THOC3: variants seen among roughly 807,000 people sequenced by gnomAD.
THOC3 encodes the protein TEX1 homolog.
A neutral mutation model predicts 23.3 loss-of-function variants in THOC3; 4 were observed. That is an observed-to-expected ratio of 0.17 (90% CI 0.08 to 0.39). The LOEUF (loss-of-function observed/expected upper bound fraction) is 0.39, where lower values mean the gene tolerates loss of function less well. Among genes scored for constraint, THOC3 ranks in the 10% least tolerant of loss-of-function variants. The pLI is 1.00. For synonymous variants in THOC3, 27 were observed against 141.5 expected (o/e 0.19, Z 5.74); for missense variants, 64 against 359.4 (o/e 0.18, Z 6.65).
rs1204952522 is a variant in THOC3, at chr5:175,966,741, G to A, written c.424+370C>T. ...AATTCTCCATGCCTTTGCACATGCC[G>A]TTCCCTCCTGGAAATGTCCCATTCC... On this transcript the variant is annotated intron_variant, in intron 2 of 5. Coordinates refer to ENST00000265097, the MANE Select transcript of THOC3 (RefSeq NM_032361.4). Among the ~76,000 whole-genome samples the A allele has an allele frequency of 2.4e-4, 37 of 151,524 alleles. 1 individual carries two copies. The highest frequency in any genetic ancestry group is 7.8e-4 in the African/African-American group (32 of 41,128).
At chr5:175,966,330 G>C (rs1581130831) in intron 2 of THOC3, among the ~76,000 whole-genome samples, 1 of 149,632 alleles carries the variant, frequency 6.7e-6, no homozygotes, top group East Asian at 1.9e-4. Context: ...AATCACTCAT[G>C]GATCAGCAGC....
intron 3 of THOC3, 73 bp downstream of exon 3, chr5:175,964,878 T>A: frequency 3.2e-6 from 2 of 616,046 alleles, no homozygotes; most frequent in East Asian, 2.8e-5. Flanking sequence ...TAGGCTCACA[T>A]CTAATTCATC....
intron 3 of THOC3, among the ~76,000 whole-genome samples, chr5:175,964,531 C>T (rs1235064543): frequency 5.9e-5 from 9 of 151,852 alleles, no homozygotes; most frequent in Non-Finnish European, 1.0e-4. Context: ...GCAGGAGAAT[C>T]GCTTAACCTC....
At chr5:175,963,200 G>A (rs1372992881) in intron 3 of THOC3, among the ~76,000 whole-genome samples, 5 of 152,142 alleles carry the variant, frequency 3.3e-5, no homozygotes, top group Admixed American at 6.5e-5. Flanking sequence ...TAACCAAATC[G>A]CAGATGAGAA....
chr5:175,962,561 G>A (rs1248475401), intron 3 of THOC3, among the ~76,000 whole-genome samples: 3 of 146,144 alleles, frequency 2.1e-5, no homozygotes, highest in South Asian at 2.2e-4. Context: ...TCACTCAGTC[G>A]TCCAGAATGC....
At chr5:175,966,033 A>G (rs1465948727) in intron 2 of THOC3, among the ~76,000 whole-genome samples, 3 of 150,894 alleles carry the variant, frequency 2.0e-5, no homozygotes, top group Non-Finnish European at 4.5e-5. Context: ...TCTACAAAAA[A>G]TTAGCCAGGC....
intron 2 of THOC3, 117 bp from the exon 3 acceptor site, chr5:175,965,272 C>T: frequency 7.1e-7 from 1 of 1,414,182 alleles, no homozygotes; most frequent in South Asian, 1.4e-5. Context: ...CATTAAAGTC[C>T]TAGACAATGG....
chr5:175,962,185 T>C lies in THOC3; in HGVS notation c.630-751A>G, dbSNP rs530763953. 1.1e-4 allele frequency among the ~76,000 whole-genome samples: 17 copies of C among 150,694 alleles called. No homozygotes were observed. The South Asian group carries it at 3.1e-3, about 28-fold the overall frequency. ...ATCACATTGGTGGTAGCAGCAGTAA[T>C]ATTGTTGTTCTGAGACATCTATATG... On this transcript the variant is annotated intron_variant, in intron 3 of 5. Transcript: ENST00000265097.
rs575349260 is a variant in THOC3, at chr5:175,966,042, G to T, written c.425-887C>A. ...CCCGTCTCTACAAAAAATTAGCCAGGCATGGTGGCATGTGCCTGTAGTCCC... is the reference window on the plus strand; with the variant it reads ...CCCGTCTCTACAAAAAATTAGCCAGTCATGGTGGCATGTGCCTGTAGTCCC... On this transcript the variant is annotated intron_variant, in intron 2 of 5. Transcript: ENST00000265097. Among the ~76,000 whole-genome samples the T allele has an allele frequency of 6.1e-4, 91 of 150,160 alleles. No individual in the cohort carries two copies. In the South Asian group the frequency reaches 0.011, roughly 17 times the overall value.
In THOC3 at chr5:175,968,082, G is replaced by A. The variant is rs1359428217; in HGVS notation, c.127C>T (p.Arg43Trp). 2 of 1,611,268 alleles carry A rather than the reference G, an allele frequency of 1.2e-6. No individual in the cohort carries two copies. The highest frequency in any genetic ancestry group is 2.2e-5 in the East Asian group (1 of 44,884). ...RYVLGMQELF[R>W]GHSKTREFLA... ...AACTCGCGCGTCTTGCTGTGGCCCC[G>A]GAACAGCTCCTGCATCCCAAGCACG... The change falls in exon 1 of 6, where the codon CGG (arginine) becomes TGG (tryptophan). Residue 43 changes from arginine to tryptophan, a missense_variant. Coordinates refer to ENST00000265097, the MANE Select transcript of THOC3 (RefSeq NM_032361.4).
intron 2 of THOC3, among the ~76,000 whole-genome samples, chr5:175,966,133 T>C (rs570438821): frequency 5.3e-5 from 8 of 151,198 alleles, no homozygotes; most frequent in African/African-American, 7.3e-5. Flanking sequence ...GGAGCCAATA[T>C]TGTGCCACTG....
intron 2 of THOC3, among the ~76,000 whole-genome samples, chr5:175,965,569 C>T (rs1249350693): frequency 2.6e-5 from 4 of 152,228 alleles, no homozygotes; most frequent in African/African-American, 2.4e-5. Context: ...GGACTACAGG[C>T]GCCTGCCACC....
At chr5:175,965,987 T>C (rs1454919067) in intron 2 of THOC3, among the ~76,000 whole-genome samples, 1 of 151,680 alleles carries the variant, frequency 6.6e-6, no homozygotes, top group Non-Finnish European at 1.5e-5. Flanking sequence ...AGTCCAGGAG[T>C]TCAAGATCAG....
At chr5:175,965,230 A>G in intron 2 of THOC3, 75 bp from the exon 3 acceptor site, 4 of 1,593,786 alleles carry the variant, frequency 2.5e-6, no homozygotes, top group Non-Finnish European at 3.4e-6. Flanking sequence ...ACTATCCTAG[A>G]AAGAAGACCA....
chr5:175,963,216 A>G (rs1369358755), intron 3 of THOC3, among the ~76,000 whole-genome samples: 1 of 152,234 alleles, frequency 6.6e-6, no homozygotes, highest in Non-Finnish European at 1.5e-5. Context: ...GAGAAGCAGC[A>G]TCTCTTTACA....
intron 1 of THOC3, chr5:175,967,499 T>C (rs1756788928): frequency 1.0e-5 from 3 of 292,964 alleles, no homozygotes; most frequent in African/African-American, 3.4e-5. Flanking sequence ...CTTCTCCTCC[T>C]TCCTGGTTTT....
At chr5:175,962,995 T>C (rs1467967282) in intron 3 of THOC3, among the ~76,000 whole-genome samples, 1 of 152,166 alleles carries the variant, frequency 6.6e-6, no homozygotes, top group East Asian at 1.9e-4. Flanking sequence ...ATGGGATAAT[T>C]TGAGCTTCAA....
intron 2 of THOC3, among the ~76,000 whole-genome samples, chr5:175,966,536 T>G (rs1182210003): frequency 1.5e-5 from 2 of 135,902 alleles, no homozygotes; most frequent in South Asian, 2.4e-4. Context: ...TTTGGGTGTA[T>G]CACAGTTATT....
At chr5:175,963,155 T>C (rs1280007700) in intron 3 of THOC3, among the ~76,000 whole-genome samples, 5 of 152,234 alleles carry the variant, frequency 3.3e-5, no homozygotes, top group Admixed American at 6.5e-5. Context: ...ATCAAAATTT[T>C]ATCCTGCCTT....
Sources: gnomAD v4.1 joint callset for allele counts (sites outside exome capture counted in the v4.1 genomes callset) on GRCh38, gnomAD v4.1.1 for gene constraint, MANE v1.5 for transcripts, NCBI Gene and HGNC (gene_info 2026-07-23, HGNC 2026-07-21) for gene names.